Variants in ELMO1 observed in about 807,000 individuals in gnomAD.
The protein encoded by ELMO1 is engulfment and cell motility 1, also known as engulfment and cell motility protein 1.
In ELMO1, 26 loss-of-function variants were observed where a neutral mutation model predicts 98.9. The ratio of observed to expected loss-of-function variants is 0.26; its 90% CI spans 0.19 to 0.36. The LOEUF is 0.36. Among genes scored for constraint, ELMO1 ranks in the 10% least tolerant of loss-of-function variants. The pLI, the probability that ELMO1 is intolerant of heterozygous loss-of-function variation, is 1.00. For synonymous variants in ELMO1, 346 were observed against 346.0 expected, an observed-to-expected ratio of 1.00 and a Z score of 0.00; for missense variants, 627 against 935.2, an observed-to-expected ratio of 0.67 and a Z score of 4.30.
At chr7:37,157,451 TA>T (rs1327209071) in intron 13 of ELMO1, among the ~76,000 whole-genome samples, 1 of 152,232 alleles carries the variant, frequency 6.6e-6, no homozygotes, top group East Asian at 1.9e-4. Context: ...CTTAAGCTGA[TA>T]AGCAACTTCA....
intron 14 of ELMO1, among the ~76,000 whole-genome samples, chr7:37,111,435 G>C (rs1397156868): frequency 2.0e-5 from 3 of 152,224 alleles, no homozygotes; most frequent in African/African-American, 7.2e-5. Flanking sequence ...AGACTGTTGG[G>C]AGCTTGAAAT....
intron 4 of ELMO1, among the ~76,000 whole-genome samples, chr7:37,280,271 C>T (rs1017520258): frequency 6.6e-6 from 1 of 152,164 alleles, no homozygotes; most frequent in African/African-American, 2.4e-5. Context: ...ATCGGAAGAA[C>T]CCTTCTAGAC....
intron 16 of ELMO1, among the ~76,000 whole-genome samples, chr7:36,920,577 C>T (rs1034359090): frequency 2.0e-5 from 3 of 152,118 alleles, no homozygotes; most frequent in Non-Finnish European, 4.4e-5. Context: ...TATATATGTG[C>T]ACATATTTTA....
chr7:36,891,285 G>C (rs995254257), intron 17 of ELMO1, among the ~76,000 whole-genome samples: 1 of 152,142 alleles, frequency 6.6e-6, no homozygotes, highest in African/African-American at 2.4e-5. Flanking sequence ...ATAGTGTCTG[G>C]CACGTGGCAG....
At chr7:37,345,987 TAAAA>T (rs554672695) in intron 1 of ELMO1, among the ~76,000 whole-genome samples, 4 of 114,466 alleles carry the variant, frequency 3.5e-5, no homozygotes, top group Admixed American at 9.1e-5. Context: ...AGACTCCATC[TAAAA>T]AAAAAAAAAA....
intron 13 of ELMO1, among the ~76,000 whole-genome samples, chr7:37,162,776 A>C (rs1388310340): frequency 6.6e-6 from 1 of 152,226 alleles, no homozygotes; most frequent in Non-Finnish European, 1.5e-5. Context: ...TGAAAATTTT[A>C]GTATAAAATT....
chr7:36,936,899 C>A (rs1786580979), intron 16 of ELMO1, among the ~76,000 whole-genome samples: 1 of 152,156 alleles, frequency 6.6e-6, no homozygotes, highest in African/African-American at 2.4e-5. Flanking sequence ...ATAGAGTAAG[C>A]ACTGAAAATA....
intron 15 of ELMO1, among the ~76,000 whole-genome samples, chr7:37,035,145 C>T (rs967259160): frequency 6.6e-6 from 1 of 152,174 alleles, no homozygotes; most frequent in Non-Finnish European, 1.5e-5. Context: ...CCTGTTCAGG[C>T]AGATATCCTT....
At chr7:37,193,461 A>G (rs375689579) in intron 13 of ELMO1, among the ~76,000 whole-genome samples, 54 of 152,332 alleles carry the variant, frequency 3.5e-4, no homozygotes, top group Middle Eastern at 3.4e-3. Flanking sequence ...AAGGCAGCCC[A>G]GAGCGGTCAC....
rs376004668 is a variant in ELMO1 at position 37,314,870 on chromosome 7, T to C, written c.172A>G (p.Asn58Asp). 3 of 1,613,652 alleles carry C rather than the reference T, an allele frequency of 1.9e-6. No homozygotes were observed. The highest frequency in any genetic ancestry group is 2.5e-6 in the Non-Finnish European group (3 of 1,179,898). The change falls in exon 4 of 22, where the codon AAC (asparagine) becomes GAC (aspartate). Residue 58 changes from asparagine (N) to aspartate (D), a missense_variant. Coordinates refer to ENST00000310758, the MANE Select transcript of ELMO1 (RefSeq NM_014800.11). ...YFALQHADSS[N>D]FYITEKNRNE... ...CCTACCTTTTCTGTGATATAGAAGT[T>C]TGAACTATCGGCATGCTGGAGTGCA...
chr7:37,308,790 T>G (rs1798742706), intron 4 of ELMO1, among the ~76,000 whole-genome samples: 1 of 152,174 alleles, frequency 6.6e-6, no homozygotes, highest in Non-Finnish European at 1.5e-5. Flanking sequence ...AAGCAGCCTG[T>G]CTAGGAGAGT....
At chr7:37,400,736 C>T (rs1016959431) in intron 1 of ELMO1, among the ~76,000 whole-genome samples, 2 of 152,226 alleles carry the variant, frequency 1.3e-5, no homozygotes, top group African/African-American at 4.8e-5. Context: ...AACACTTAGA[C>T]TGATGGCCAT....
intron 11 of ELMO1, among the ~76,000 whole-genome samples, chr7:37,213,964 G>A (rs181373573): frequency 6.6e-6 from 1 of 152,360 alleles, no homozygotes; most frequent in African/African-American, 2.4e-5. Context: ...TTAATCCACT[G>A]TGGGAGCTAC....
intron 2 of ELMO1, among the ~76,000 whole-genome samples, chr7:37,320,782 G>GA (rs1436373328): frequency 1.3e-5 from 2 of 151,768 alleles, no homozygotes; most frequent in East Asian, 1.9e-4. Context: ...TCTGCTAAAT[G>GA]AAAAAAATCT....
intron 19 of ELMO1, among the ~76,000 whole-genome samples, chr7:36,872,817 T>C (rs1476488935): frequency 6.6e-6 from 1 of 152,218 alleles, no homozygotes; most frequent in African/African-American, 2.4e-5. Flanking sequence ...TTCTCAAGAT[T>C]CAAATAGAGT....
chr7:36,878,190 A>T (rs780569731), intron 18 of ELMO1, 73 bp from the exon 19 acceptor site: 73 of 1,154,838 alleles, frequency 6.3e-5, no homozygotes, highest in Non-Finnish European at 8.6e-5. Context: ...TTATTTCTTA[A>T]TACTCTTGCC....
chr7:37,077,776 G>C (rs934791067), intron 15 of ELMO1, among the ~76,000 whole-genome samples: 2 of 152,160 alleles, frequency 1.3e-5, no homozygotes, highest in African/African-American at 2.4e-5. Context: ...CAGGTGGAGA[G>C]AGGAGCTAGT....
At chr7:36,977,685 T>C (rs967337069) in intron 16 of ELMO1, among the ~76,000 whole-genome samples, 5 of 152,226 alleles carry the variant, frequency 3.3e-5, no homozygotes, top group Non-Finnish European at 5.9e-5. Flanking sequence ...GAATTTGTTT[T>C]TACAGTTCAG....
chr7:36,978,888 C>A (rs1207556443), intron 16 of ELMO1, among the ~76,000 whole-genome samples: 2 of 152,164 alleles, frequency 1.3e-5, no homozygotes, highest in Non-Finnish European at 2.9e-5. Context: ...ATAGTAAGCC[C>A]TTATTTTACA....
Sources: allele counts gnomAD v4.1 joint callset (sites outside exome capture counted in the v4.1 genomes callset), GRCh38; gene constraint gnomAD v4.1.1; transcripts MANE v1.5; gene names NCBI Gene and HGNC (gene_info 2026-07-23, HGNC 2026-07-21).